Variants in NAPG observed in about 807,000 individuals in gnomAD.
NAPG encodes the protein NSF attachment protein gamma, also known as gamma-soluble NSF attachment protein.
Under a neutral mutation model 48.4 loss-of-function variants are expected in NAPG, and 25 were observed. The observed-to-expected ratio is 0.52, with a 90% CI of 0.38 to 0.72. The LOEUF (loss-of-function observed/expected upper bound fraction) is 0.72, where lower values mean the gene tolerates loss of function less well. NAPG is among the 30% of genes least tolerant of loss of function. NAPG has a pLI of 0.00. For missense variants in NAPG, 359 were observed against 372.5 expected (o/e 0.96, Z 0.30); for synonymous variants, 139 against 127.2 (o/e 1.09, Z -0.62).
rs2032176270 is a variant in NAPG, at chr18:10,542,480, T to TAAAAA, written c.506+2081_506+2082insAAAAA. Among the ~76,000 whole-genome samples the TAAAAA allele has an allele frequency of 6.6e-6, 1 of 151,890 alleles. No individual in the cohort carries two copies. Among genetic ancestry groups the TAAAAA allele is most frequent in the African/African-American group, 2.4e-5 (1 of 41,334 alleles). ...GTGCAGGATAAGAAAAAACATGCAG[T>TAAAAA]GTTTATAGTGATGGAGACATTATTG... On this transcript the variant is annotated intron_variant, in intron 8 of 11. Transcript: ENST00000322897. The surrounding 1 kb of genome is among the most constrained non-coding windows in gnomAD (Gnocchi z 4.5).
In NAPG at chr18:10,526,441, C is replaced by T. The variant is rs1458237969; in HGVS notation, c.56+283C>T. On this transcript the variant is annotated intron_variant, in intron 1 of 11. Coordinates refer to ENST00000322897, the MANE Select transcript of NAPG (RefSeq NM_003826.3). Reference sequence around the variant, plus strand: ...TCGGCGCAGTGCTGCGGGGCGAGGGCTTCTCTACTTGGGCGCTCTGCTCCT... The same window carrying T: ...TCGGCGCAGTGCTGCGGGGCGAGGGTTTCTCTACTTGGGCGCTCTGCTCCT... 1.1e-5 allele frequency: 5 copies of T among 449,458 alleles called. No homozygotes were observed. In the Admixed American group the frequency reaches 1.2e-4, roughly 11 times the overall value. 27.8% of individuals were successfully genotyped at this position (449,458 alleles called of 1,614,324 possible). A position where few individuals can be genotyped will look rare whatever the true frequency, so the allele number is the denominator to read the frequency against.
intron 4 of NAPG, 54 bp downstream of exon 4, chr18:10,533,607 GT>G: frequency 6.8e-7 from 1 of 1,471,776 alleles, no homozygotes; most frequent in South Asian, 1.3e-5. Context: ...AAATGTTGCT[GT>G]TTTTCTGTAG....
chr18:10,533,435 C>G (rs1488127531), intron 3 of NAPG, 101 bp from the exon 4 acceptor site: 1 of 1,012,006 alleles, frequency 9.9e-7, no homozygotes, highest in African/African-American at 1.7e-5. Context: ...TTGGAACCAA[C>G]TGGGTCAGTG....
intron 3 of NAPG, 78 bp from the exon 4 acceptor site, chr18:10,533,458 G>A: frequency 7.5e-7 from 1 of 1,329,030 alleles, no homozygotes; most frequent in Non-Finnish European, 1.0e-6. Context: ...TTAGTTAACT[G>A]TCTTTAAATA....
Position 10,538,212 on chromosome 18 carries a change from T to C in NAPG, c.259-1550T>C, listed in dbSNP as rs561475304. Among the ~76,000 whole-genome samples the C allele has an allele frequency of 3.9e-5, 6 of 152,246 alleles. No individual in the cohort carries two copies. The East Asian group carries it at 7.7e-4, about 20-fold the overall frequency. ...CATGGAAGAGGGTTGCAAACTCAGA[T>C]GAACTCAGGGTGTAGAGGAATAACT... On this transcript the variant is annotated intron_variant, in intron 5 of 11. Coordinates refer to ENST00000322897, the MANE Select transcript of NAPG (RefSeq NM_003826.3).
Position 10,539,828 on chromosome 18 carries a change from G to A in NAPG, c.325G>A (p.Gly109Ser), listed in dbSNP as rs776654594. ...GGCCAGCATGATGTATCTAGAAAAC[G>A]GCACCCCAGACACAGCAGCCATGGC... ...EKASMMYLEN[G>S]TPDTAAMALE... The change falls in exon 6 of 12, where the codon GGC becomes AGC. Residue 109 changes from glycine to serine, a missense_variant. Coordinates refer to ENST00000322897, the MANE Select transcript of NAPG (RefSeq NM_003826.3). This position sits in a 1 kb window ranked among gnomAD's most constrained non-coding sequence, Gnocchi z 4.7. The A allele has an allele frequency of 8.7e-6, 14 of 1,613,978 alleles. No individual in the cohort carries two copies. Among genetic ancestry groups the A allele is most frequent in the Admixed American group, 1.7e-5 (1 of 60,022 alleles).
chr18:10,549,980 T>C (rs2032352555), intron 11 of NAPG, 97 bp from the exon 12 acceptor site: 1 of 1,300,074 alleles, frequency 7.7e-7, no homozygotes, highest in Admixed American at 3.4e-5. Context: ...TTGGTGTTCC[T>C]GAGGGTGGGG....
At chr18:10,526,239 C>CCTTTGCCCCGGGGGGGGGG in intron 1 of NAPG, 81 bp downstream of exon 1, 1 of 349,042 alleles carries the variant, frequency 2.9e-6, no homozygotes, top group Non-Finnish European at 5.8e-6. Flanking sequence ...CCGGGGGGGG[C>CCTTTGCCCCGGGGGGGGGG]GGGAGGGAGG....
Position 10,539,727 on chromosome 18 carries a change from T to G in NAPG, c.259-35T>G. The G allele has an allele frequency of 6.7e-7, 1 of 1,502,530 alleles. No individual in the cohort carries two copies. The highest frequency in any genetic ancestry group is 9.2e-7 in the Non-Finnish European group (1 of 1,089,336). 93.1% of individuals were successfully genotyped at this position (1,502,530 alleles called of 1,614,324 possible). On this transcript the variant is annotated intron_variant, in intron 5 of 11. Coordinates refer to ENST00000322897, the MANE Select transcript of NAPG (RefSeq NM_003826.3). This position sits in a 1 kb window ranked among gnomAD's most constrained non-coding sequence, Gnocchi z 4.7. ...ACTCTGTTTTTCTTTAATTGATGCATTTGCTGACCTGTCTACTGTATCCTT... is the reference window on the plus strand; with the variant it reads ...ACTCTGTTTTTCTTTAATTGATGCAGTTGCTGACCTGTCTACTGTATCCTT...
At chr18:10,549,147 G>GT in intron 11 of NAPG, 51 bp downstream of exon 11, 1 of 1,549,558 alleles carries the variant, frequency 6.5e-7, no homozygotes, top group Non-Finnish European at 8.7e-7. Context: ...AAAGAAAGAG[G>GT]TTTCTAGTGA....
At chr18:10,531,325 T>C (rs2031924051) in intron 2 of NAPG, among the ~76,000 whole-genome samples, 1 of 152,248 alleles carries the variant, frequency 6.6e-6, no homozygotes, top group African/African-American at 2.4e-5. Context: ...TTAAGCTATA[T>C]ACATATTTTA....
At position 10,552,183 on chromosome 18, in the gene NAPG, C is replaced by T. The variant is rs966080070; in HGVS notation, c.*1963C>T. The T allele has an allele frequency of 2.0e-5, 3 of 152,164 alleles. No homozygotes were observed. The highest frequency in any genetic ancestry group is 4.4e-5 in the Non-Finnish European group (3 of 68,014). 9.4% of individuals were successfully genotyped at this position (152,164 alleles called of 1,614,324 possible). A position where few individuals can be genotyped will look rare whatever the true frequency, so the allele number is the denominator to read the frequency against. On this transcript the variant is annotated 3_prime_UTR_variant, in exon 12 of 12. Transcript: ENST00000322897. ...TTTTTAATTTTACTCTTCTTATGTA[C>T]TGAAAACTTTTTTTAAAAAAGGTGA... is the stretch of plus-strand genomic sequence containing the variant.
chr18:10,547,984 C>T (rs1296375727), intron 9 of NAPG, among the ~76,000 whole-genome samples: 2 of 151,184 alleles, frequency 1.3e-5, no homozygotes, highest in African/African-American at 2.4e-5. Context: ...CTCTTTAAAA[C>T]GTGGTTGTGA....
Position 10,548,219 on chromosome 18 carries a change from C to T in NAPG, c.586-80C>T. 1.0e-6 allele frequency: 1 copy of T among 979,130 alleles called. No homozygotes were observed. The highest frequency in any genetic ancestry group is 1.8e-5 in the Admixed American group (1 of 56,250). 60.7% of individuals were successfully genotyped at this position (979,130 alleles called of 1,614,324 possible). ...AAACAAAGACTCTGAAAGTTAAACT[C>T]CAGGTGTTTTCAATACTGCCAGGTT... is the stretch of plus-strand genomic sequence containing the variant. On this transcript the variant is annotated intron_variant, in intron 9 of 11. Coordinates refer to ENST00000322897, the MANE Select transcript of NAPG (RefSeq NM_003826.3). The surrounding 1 kb of genome is among the most constrained non-coding windows in gnomAD (Gnocchi z 4.4).
chr18:10,541,289 A>G (rs1001411735), intron 8 of NAPG, among the ~76,000 whole-genome samples: 8 of 152,174 alleles, frequency 5.3e-5, no homozygotes, highest in African/African-American at 1.9e-4. Context: ...TCTAAATGGA[A>G]TAGAAATTTC....
rs575957505 is a variant in NAPG at position 10,544,195 on chromosome 18, A to C, written c.507-2131A>C. Reference sequence around the variant, plus strand: ...TACATGTAGCTGTAGTCCGCCTTGCATTAATTTTTTATTTCTGCATAGCAG... The same window carrying C: ...TACATGTAGCTGTAGTCCGCCTTGCCTTAATTTTTTATTTCTGCATAGCAG... On this transcript the variant is annotated intron_variant, in intron 8 of 11. Transcript: ENST00000322897. This position sits in a 1 kb window ranked among gnomAD's most constrained non-coding sequence, Gnocchi z 5.1. 6.6e-6 allele frequency among the ~76,000 whole-genome samples: 1 copy of C among 152,338 alleles called. No homozygotes were observed. The highest frequency in any genetic ancestry group is 1.9e-4 in the East Asian group (1 of 5,188).
At position 10,534,524 on chromosome 18, in the gene NAPG, T is replaced by C; in HGVS notation, c.258+28T>C. ...CAGTAATGTTATGTCACAATTGTTG[T>C]GTAGGTAAAATGAATTAACTACAAG... On this transcript the variant is annotated intron_variant, in intron 5 of 11. Transcript: ENST00000322897. The surrounding 1 kb of genome is among the most constrained non-coding windows in gnomAD (Gnocchi z 5.0). The C allele has an allele frequency of 6.2e-7, 1 of 1,609,964 alleles. No homozygotes were observed. The highest frequency in any genetic ancestry group is 8.5e-7 in the Non-Finnish European group (1 of 1,176,494).
chr18:10,540,479 A>G (rs891562924), intron 8 of NAPG, 80 bp downstream of exon 8: 10 of 1,236,944 alleles, frequency 8.1e-6, no homozygotes, highest in Non-Finnish European at 1.2e-5. Context: ...TTTGGGGGAT[A>G]GCTTGTTAAT....
chr18:10,539,869 A>G lies in NAPG; in HGVS notation c.366A>G (p.Gly122=). ...DTAAMALERA[G]KLIENVDPEK... ...CAGCCATGGCTTTGGAGCGAGCTGG[A>G]AAGTGAGTGTGAGATGGACAAGTCT... Residue 122 remains glycine, a splice_region_variant and synonymous_variant, in exon 6 of 12, where the codon GGA becomes GGG. Coordinates refer to ENST00000322897, the MANE Select transcript of NAPG (RefSeq NM_003826.3). The surrounding 1 kb of genome is among the most constrained non-coding windows in gnomAD (Gnocchi z 4.7). 7 of 1,613,916 alleles carry G rather than the reference A, an allele frequency of 4.3e-6. No individual in the cohort carries two copies. The highest frequency in any genetic ancestry group is 5.9e-6 in the Non-Finnish European group (7 of 1,179,806).
Sources: gnomAD v4.1 joint callset for allele counts (sites outside exome capture counted in the v4.1 genomes callset) on GRCh38, gnomAD v4.1.1 for gene constraint, Gnocchi (gnomAD v3.1) non-coding constraint, MANE v1.5 for transcripts, NCBI Gene and HGNC (gene_info 2026-07-23, HGNC 2026-07-21) for gene names.